CACNG6: variants seen among roughly 807,000 people sequenced by gnomAD.
CACNG6 encodes calcium voltage-gated channel auxiliary subunit gamma 6.
Under a neutral mutation model 23.9 loss-of-function variants are expected in CACNG6, and 21 were observed. The ratio of observed to expected loss-of-function variants is 0.88; its 90% CI spans 0.62 to 1.26. CACNG6 has a LOEUF of 1.26. Among genes scored for constraint, CACNG6 ranks in the 50% most tolerant of loss-of-function variants. CACNG6 has a pLI of 0.00. For missense variants in CACNG6, 340 were observed against 352.9 expected, an observed-to-expected ratio of 0.96 and a Z score of 0.29; for synonymous variants, 182 against 168.9, an observed-to-expected ratio of 1.08 and a Z score of -0.60.
Position 54,012,185 on chromosome 19 carries a change from C to G in CACNG6, c.779C>G (p.Thr260Ser). The G allele has an allele frequency of 8.2e-6, 11 of 1,343,174 alleles. No individual in the cohort carries two copies. Among genetic ancestry groups the G allele is most frequent in the Non-Finnish European group, 1.1e-5 (11 of 1,008,614 alleles). The allele number at this position is 1,343,174 out of a possible 1,614,324, so 83.2% of individuals were successfully genotyped here. A position where few individuals can be genotyped will look rare whatever the true frequency, so the allele number is the denominator to read the frequency against. The change falls in exon 4 of 4, where the codon ACC (threonine) becomes AGC (serine). Residue 260 changes from threonine (T) to serine (S), a missense_variant. Physicochemically the swap from Thr to Ser is moderately conservative, Grantham distance 58. Coordinates refer to ENST00000252729, the MANE Select transcript of CACNG6 (RefSeq NM_145814.2). Reference sequence around the variant, plus strand: ...TGTCCCAAGCGGGGGCACCGGGCCACCTAGAGCCACGCGTGAGACTTCTCT... The same window carrying G: ...TGTCCCAAGCGGGGGCACCGGGCCAGCTAGAGCCACGCGTGAGACTTCTCT... ...SLCPKRGHRA[T>S]
intron 3 of CACNG6, among the ~76,000 whole-genome samples, chr19:54,002,286 T>G (rs1267091610): frequency 2.1e-5 from 3 of 143,664 alleles, no homozygotes; most frequent in Non-Finnish European, 3.0e-5. Flanking sequence ...TTTTTTTTGT[T>G]TTTTTTTTTT....
At chr19:54,010,986 TAGCC>T (rs2069700185) in intron 3 of CACNG6, among the ~76,000 whole-genome samples, 2 of 151,682 alleles carry the variant, frequency 1.3e-5, no homozygotes, top group South Asian at 4.1e-4. Flanking sequence ...TCAGGGCAAT[TAGCC>T]TATCCACCTC....
intron 1 of CACNG6, among the ~76,000 whole-genome samples, chr19:53,994,262 C>T (rs987254060): frequency 1.2e-4 from 19 of 152,186 alleles, no homozygotes; most frequent in Admixed American, 4.6e-4. Flanking sequence ...TCCCAACACC[C>T]GAGGGCAGAC....
intron 2 of CACNG6, among the ~76,000 whole-genome samples, chr19:53,999,366 A>T (rs1600056497): frequency 6.6e-6 from 1 of 152,228 alleles, no homozygotes; most frequent in South Asian, 2.1e-4. Context: ...TGGTAACCAG[A>T]TCCTAAGTAA....
At chr19:53,998,529 T>TTTTTG (rs2069544874) in intron 2 of CACNG6, among the ~76,000 whole-genome samples, 1 of 127,966 alleles carries the variant, frequency 7.8e-6, no homozygotes, top group African/African-American at 2.9e-5. Flanking sequence ...TTTTTTTTTT[T>TTTTTG]GAGATGATGT....
At position 54,012,019 on chromosome 19, in the gene CACNG6, C is replaced by A; in HGVS notation, c.613C>A (p.Pro205Thr). Residue 205 changes from proline to threonine, a missense_variant, in exon 4 of 4, where the codon CCG becomes ACG. Coordinates refer to ENST00000252729, the MANE Select transcript of CACNG6 (RefSeq NM_145814.2). The part of the protein sequence containing the change: ...SVRALLQRVS[P>T]EPPPAPRLTY... ...GAGGGCCCTGCTGCAGAGAGTCAGCCCGGAGCCTCCCCCGGCCCCACGCCT... is the reference window on the plus strand; with the variant it reads ...GAGGGCCCTGCTGCAGAGAGTCAGCACGGAGCCTCCCCCGGCCCCACGCCT... 1.2e-6 allele frequency: 2 copies of A among 1,605,966 alleles called. No homozygotes were observed. Among genetic ancestry groups the A allele is most frequent in the Non-Finnish European group, 1.7e-6 (2 of 1,176,648 alleles).
At chr19:54,011,929 C>T (rs759143333) in intron 3 of CACNG6, 22 bp from the exon 4 acceptor site, 12 of 1,441,078 alleles carry the variant, frequency 8.3e-6, no homozygotes, top group Middle Eastern at 2.5e-4. Context: ...CGTCTGACTG[C>T]GAGCTGTCCT....
chr19:54,002,613 G>A (rs2069592724), intron 3 of CACNG6, among the ~76,000 whole-genome samples: 1 of 152,018 alleles, frequency 6.6e-6, no homozygotes, highest in South Asian at 2.1e-4. Context: ...TTGTTCTCAT[G>A]GAATTTGTAG....
At chr19:54,009,151 G>A (rs985559774) in intron 3 of CACNG6, among the ~76,000 whole-genome samples, 3 of 151,980 alleles carry the variant, frequency 2.0e-5, no homozygotes, top group South Asian at 2.1e-4. Context: ...TGCCGGGCGC[G>A]GTGGCTCACG....
intron 3 of CACNG6, among the ~76,000 whole-genome samples, chr19:54,011,611 T>C (rs1375061240): frequency 6.6e-6 from 1 of 151,966 alleles, no homozygotes; most frequent in Non-Finnish European, 1.5e-5. Context: ...CACATTGTTA[T>C]GCAACTATCA....
chr19:54,012,240 C>A lies in CACNG6; in HGVS notation c.*51C>A. 1.3e-6 allele frequency: 1 copy of A among 787,222 alleles called. No homozygotes were observed. The highest frequency in any genetic ancestry group is 1.9e-6 in the Non-Finnish European group (1 of 530,320). The allele number at this position is 787,222 out of a possible 1,614,324, so 48.8% of individuals were successfully genotyped here. ...AACCACCGAGCCCTTTGACCTTCTC[C>A]ATTGTACCCCCAAGATCTTTTTGCC... On this transcript the variant is annotated 3_prime_UTR_variant, in exon 4 of 4. Transcript: ENST00000252729.
chr19:54,011,419 A>G (rs567910123), intron 3 of CACNG6, among the ~76,000 whole-genome samples: 1 of 121,012 alleles, frequency 8.3e-6, no homozygotes, highest in African/African-American at 3.5e-5. Context: ...TGACAGAGCA[A>G]GACTCCGTCT....
Position 53,995,182 on chromosome 19 carries a change from C to G in CACNG6, c.331+1974C>G, listed in dbSNP as rs146276385. ...CATCTCACTGGTCCATCAAGAGATCCCAAAGGTCAAAGGTCCTGGGACAAT... is the reference window on the plus strand; with the variant it reads ...CATCTCACTGGTCCATCAAGAGATCGCAAAGGTCAAAGGTCCTGGGACAAT... On this transcript the variant is annotated intron_variant, in intron 1 of 3. Transcript: ENST00000252729. Among the ~76,000 whole-genome samples the G allele has an allele frequency of 4.3e-3, 653 of 152,106 alleles. 4 individuals carry two copies. The highest frequency in any genetic ancestry group is 0.022 in the South Asian group (108 of 4,812).
intron 3 of CACNG6, among the ~76,000 whole-genome samples, chr19:54,002,095 T>C (rs1019646070): frequency 6.6e-6 from 1 of 151,726 alleles, no homozygotes; most frequent in African/African-American, 2.4e-5. Flanking sequence ...CTCTCTTTTT[T>C]TTTTGTTTTT....
At chr19:53,997,610 T>C (rs564663606) in intron 1 of CACNG6, among the ~76,000 whole-genome samples, 1 of 152,290 alleles carries the variant, frequency 6.6e-6, no homozygotes, top group East Asian at 1.9e-4. Flanking sequence ...GCCAATCTAA[T>C]TGATGGGAAG....
At chr19:53,998,115 C>A in intron 1 of CACNG6, 124 bp from the exon 2 acceptor site, 1 of 729,660 alleles carries the variant, frequency 1.4e-6, no homozygotes, top group Non-Finnish European at 2.3e-6. Context: ...CATTTTTCTC[C>A]TCTGTGTATC....
intron 3 of CACNG6, among the ~76,000 whole-genome samples, chr19:54,005,751 TTAAAATAAAA>T (rs79507810): frequency 0.018 from 2,560 of 141,112 alleles, 41 homozygotes; most frequent in South Asian, 0.035. Context: ...AGACTCCCTC[TTAAAATAAAA>T]TAAAATAAAA....
At chr19:54,011,190 T>TA (rs142489178) in intron 3 of CACNG6, among the ~76,000 whole-genome samples, 7,830 of 58,596 alleles carry the variant, frequency 0.13, 437 homozygotes, top group South Asian at 0.15. Context: ...CCGTCTCTAC[T>TA]AAAAAAAAAA....
chr19:54,008,705 C>T (rs1382799530), intron 3 of CACNG6, among the ~76,000 whole-genome samples: 1 of 152,230 alleles, frequency 6.6e-6, no homozygotes, highest in Admixed American at 6.5e-5. Context: ...TTGAGCATGA[C>T]TGACTTCTTT....
Sources: gnomAD v4.1 joint callset for allele counts (sites outside exome capture counted in the v4.1 genomes callset) on GRCh38, gnomAD v4.1.1 for gene constraint, MANE v1.5 for transcripts, NCBI Gene and HGNC (gene_info 2026-07-23, HGNC 2026-07-21) for gene names.